The following IFT52 variants were observed in gnomAD, a reference collection of about 807,000 sequenced individuals.
The protein encoded by IFT52 is intraflagellar transport protein 52 homolog.
Under a neutral mutation model 54.4 loss-of-function variants are expected in IFT52, and 44 were observed. That is an observed-to-expected ratio of 0.81 (90% CI 0.63 to 1.04). The LOEUF (loss-of-function observed/expected upper bound fraction) is 1.04. IFT52 is among the 50% of genes least tolerant of loss of function. The pLI is 0.00. For synonymous variants in IFT52, 181 were observed against 185.3 expected (o/e 0.98, Z 0.19); for missense variants, 452 against 523.6 (o/e 0.86, Z 1.33).
rs1324660367 is a variant in IFT52, at chr20:43,627,565, T to C, written c.923+3520T>C. Among the ~76,000 whole-genome samples, 3 of 152,074 alleles carry C rather than the reference T, an allele frequency of 2.0e-5. No individual in the cohort carries two copies. The East Asian group carries it at 5.8e-4, about 29-fold the overall frequency. On this transcript the variant is annotated intron_variant, in intron 10 of 13. Coordinates refer to ENST00000373030, the MANE Select transcript of IFT52 (RefSeq NM_016004.5). ...CAGTAACTAGCTGGAGGAAGTAAGG[T>C]CAAGAAGGTGTTTTTTGGATGGAAG...
intron 6 of IFT52, among the ~76,000 whole-genome samples, chr20:43,611,062 G>C (rs1350427801): frequency 8.5e-5 from 13 of 152,206 alleles, no homozygotes; most frequent in Admixed American, 5.9e-4. Flanking sequence ...TAATTATAGT[G>C]AAGGGAATAT....
At chr20:43,642,672 G>A in intron 13 of IFT52, 48 bp downstream of exon 13, 2 of 1,579,346 alleles carry the variant, frequency 1.3e-6, no homozygotes, top group Non-Finnish European at 1.7e-6. Context: ...TCCAGTACTG[G>A]TATCTTCCAT....
Position 43,590,960 on chromosome 20 carries a change from C to G in IFT52, c.-101C>G, listed in dbSNP as rs890351003. ...CTGCGTCCTGGGCCACGCCTCCCGG[C>G]GCACCGACGCGCCTCTCCGGTTACT... On this transcript the variant is annotated 5_prime_UTR_variant, in exon 1 of 14. Transcript: ENST00000373030. The G allele has an allele frequency of 2.6e-5, 4 of 152,270 alleles. No individual in the cohort carries two copies. Among genetic ancestry groups the G allele is most frequent in the African/African-American group, 9.6e-5 (4 of 41,464 alleles). The allele number at this position is 152,270 out of a possible 1,614,324, so 9.4% of individuals were successfully genotyped here.
chr20:43,633,349 A>C (rs1985305430), intron 10 of IFT52, among the ~76,000 whole-genome samples: 1 of 151,982 alleles, frequency 6.6e-6, no homozygotes, highest in Non-Finnish European at 1.5e-5. Flanking sequence ...GTCTCAAAAA[A>C]AAAAGGTCAA....
chr20:43,602,798 G>T lies in IFT52; in HGVS notation c.208-962G>T, dbSNP rs567633728. On this transcript the variant is annotated intron_variant, in intron 3 of 13. Transcript: ENST00000373030. ...ATTCATTTGTTTTATACAGTGTGGG[G>T]AAGGCAGGGGGAGAGGAAAATTCAG... 3.3e-5 allele frequency among the ~76,000 whole-genome samples: 5 copies of T among 152,284 alleles called. No individual in the cohort carries two copies. In the South Asian group the frequency reaches 8.3e-4, roughly 25 times the overall value.
rs182335558 is a variant in IFT52, at chr20:43,592,963, C to T, written c.-6-1730C>T. ...AAAAAATTTAAAAATTAGCTGGACA[C>T]TGGTGCGCGCCTGTAGTCCCAGCTA... On this transcript the variant is annotated intron_variant, in intron 1 of 13. Coordinates refer to ENST00000373030, the MANE Select transcript of IFT52 (RefSeq NM_016004.5). 3.3e-5 allele frequency among the ~76,000 whole-genome samples: 5 copies of T among 151,858 alleles called. No homozygotes were observed. In the East Asian group the frequency reaches 9.8e-4, roughly 30 times the overall value.
chr20:43,638,707 C>T (rs1490286551), intron 12 of IFT52, among the ~76,000 whole-genome samples: 3 of 152,016 alleles, frequency 2.0e-5, no homozygotes, highest in Admixed American at 6.6e-5. Flanking sequence ...TCTTAAAATG[C>T]GTCACATTCA....
At chr20:43,608,561 A>G (rs904031285) in intron 6 of IFT52, among the ~76,000 whole-genome samples, 1 of 152,138 alleles carries the variant, frequency 6.6e-6, no homozygotes, top group Admixed American at 6.6e-5. Flanking sequence ...TTTACCCAGT[A>G]AAAATTGACA....
chr20:43,619,271 T>C (rs187665889), intron 8 of IFT52, among the ~76,000 whole-genome samples: 2 of 151,660 alleles, frequency 1.3e-5, no homozygotes, highest in East Asian at 3.9e-4. Context: ...GCATGTCAGG[T>C]GGGGTGGGAG....
intron 13 of IFT52, 42 bp downstream of exon 13, chr20:43,642,666 G>GT: frequency 6.3e-7 from 1 of 1,591,342 alleles, no homozygotes; most frequent in Non-Finnish European, 8.6e-7. Context: ...AGCCCCTCCA[G>GT]TACTGGTATC....
chr20:43,642,892 C>T (rs553027871), intron 13 of IFT52, among the ~76,000 whole-genome samples: 6 of 152,214 alleles, frequency 3.9e-5, no homozygotes, highest in East Asian at 1.9e-4. Context: ...GGAGGCTGGG[C>T]GCAGTGGCTC....
At chr20:43,615,854 A>C (rs763503386) in intron 7 of IFT52, among the ~76,000 whole-genome samples, 4 of 152,176 alleles carry the variant, frequency 2.6e-5, no homozygotes, top group Non-Finnish European at 5.9e-5. Context: ...AGGCACGAGA[A>C]TCGCTTGAAC....
At position 43,613,941 on chromosome 20, in the gene IFT52, C is replaced by G; in HGVS notation, c.577C>G (p.Leu193Val). 1.2e-6 allele frequency: 2 copies of G among 1,613,920 alleles called. No individual in the cohort carries two copies. The highest frequency in any genetic ancestry group is 1.7e-6 in the Non-Finnish European group (2 of 1,179,760). Reference protein sequence around the residue: ...VLSTGSVCFPLNRPILAFYHS... With the variant: ...VLSTGSVCFPVNRPILAFYHS... ...GTCTACAGGTTCTGTCTGCTTCCCA[C>G]TTAACAGACCCATTTTGGCTTTCTA... Residue 193 changes from leucine (L) to valine (V), a missense_variant, in exon 7 of 14, where the codon CTT (leucine) becomes GTT (valine). Transcript: ENST00000373030.
intron 9 of IFT52, among the ~76,000 whole-genome samples, chr20:43,621,255 A>G (rs980827951): frequency 6.6e-6 from 1 of 152,206 alleles, no homozygotes; most frequent in African/African-American, 2.4e-5. Flanking sequence ...AAATTTTCTC[A>G]TAAAGAAACA....
rs918664595 is a variant in IFT52, at chr20:43,591,031, T to A, written c.-30T>A. ...CCGCGGGATGCTGGGCGGCGTCAGG[T>A]GAGCGGTGGTCGCTGGGCCTCAGGT... On this transcript the variant is annotated 5_prime_UTR_variant, in exon 1 of 14. The change abolishes the stop of an existing upstream ORF in the 5' untranslated region. Coordinates refer to ENST00000373030, the MANE Select transcript of IFT52 (RefSeq NM_016004.5). The A allele has an allele frequency of 6.6e-6, 1 of 152,278 alleles. No homozygotes were observed. Among genetic ancestry groups the A allele is most frequent in the African/African-American group, 2.4e-5 (1 of 41,444 alleles). The allele number at this position is 152,278 out of a possible 1,614,324, so 9.4% of individuals were successfully genotyped here.
At chr20:43,619,415 T>C (rs1984100010) in intron 8 of IFT52, among the ~76,000 whole-genome samples, 1 of 152,102 alleles carries the variant, frequency 6.6e-6, no homozygotes, top group Non-Finnish European at 1.5e-5. Flanking sequence ...CAGATCTGTG[T>C]TTCTTCTTTT....
chr20:43,631,841 C>T (rs1047246542), intron 10 of IFT52, among the ~76,000 whole-genome samples: 1 of 152,084 alleles, frequency 6.6e-6, no homozygotes, highest in South Asian at 2.1e-4. Context: ...TGCGTGACTT[C>T]CCGCCTCCCT....
At chr20:43,619,659 T>A (rs1163531451) in intron 8 of IFT52, among the ~76,000 whole-genome samples, 1 of 151,986 alleles carries the variant, frequency 6.6e-6, no homozygotes, top group Non-Finnish European at 1.5e-5. Flanking sequence ...CACTGACTGA[T>A]GTGGCAAATA....
intron 6 of IFT52, among the ~76,000 whole-genome samples, chr20:43,611,154 T>C (rs1983414212): frequency 6.6e-6 from 1 of 152,184 alleles, no homozygotes; most frequent in Non-Finnish European, 1.5e-5. Context: ...GCTTCTTGCT[T>C]TGAGGTATCT....
Sources: gnomAD v4.1 joint callset for allele counts (sites outside exome capture counted in the v4.1 genomes callset) on GRCh38, gnomAD v4.1.1 for gene constraint, MANE v1.5 for transcripts, NCBI Gene and HGNC (gene_info 2026-07-23, HGNC 2026-07-21) for gene names.